Variants in AXDND1 observed in about 807,000 individuals in gnomAD.
The protein encoded by AXDND1 is axonemal dynein light chain domain-containing protein 1.
In AXDND1, 110 loss-of-function variants were observed where a neutral mutation model predicts 137.5. That is an observed-to-expected ratio of 0.80 (90% confidence interval 0.69 to 0.94). The LOEUF is 0.94. Among genes scored for constraint, AXDND1 ranks in the 40% least tolerant of loss-of-function variants. AXDND1 has a pLI of 0.00. For missense variants in AXDND1, 1,191 were observed against 1,169.8 expected (o/e 1.02, Z -0.26); for synonymous variants, 414 against 399.7 (o/e 1.04, Z -0.43).
intron 4 of AXDND1, among the ~76,000 whole-genome samples, chr1:179,376,820 A>G (rs541999446): frequency 6.6e-6 from 1 of 152,304 alleles, no homozygotes; most frequent in African/African-American, 2.4e-5. Context: ...TTCATCTAGC[A>G]TATTTTCTGT....
chr1:179,526,693 AC>A, intron 22 of AXDND1, among the ~76,000 whole-genome samples: 1 of 152,318 alleles, frequency 6.6e-6, no homozygotes, highest in Admixed American at 6.5e-5. Flanking sequence ...ATTATATAAC[AC>A]CCAAGCCTAT....
At chr1:179,447,905 T>A (rs752052416) in intron 16 of AXDND1, 1 of 1,365,870 alleles carries the variant, frequency 7.3e-7, no homozygotes, top group Non-Finnish European at 1.0e-6. Flanking sequence ...CTATGTAATA[T>A]GGTTTGAGGT....
chr1:179,446,622 A>G (rs1659767703), intron 16 of AXDND1, among the ~76,000 whole-genome samples: 1 of 152,198 alleles, frequency 6.6e-6, no homozygotes, highest in East Asian at 1.9e-4. Flanking sequence ...GGAGTCCATT[A>G]GTAGCTAGGT....
rs1338672834 is a variant in AXDND1, at chr1:179,379,477, T to G, written c.576T>G (p.Tyr192Ter). 6.2e-7 allele frequency: 1 copy of G among 1,613,178 alleles called. No individual in the cohort carries two copies. The highest frequency in any genetic ancestry group is 2.2e-5 in the East Asian group (1 of 44,832). ...SSTGVSGLEC[Y>*]DDKYTTLLTD... is the part of the protein sequence containing the mutation. ...CAGGAGTTTCAGGTTTGGAGTGTTA[T>G]GATGAGTGAGTACTATGATATGTAA... Residue 192 changes from tyrosine to a stop codon, truncating the protein, a stop_gained, in exon 6 of 26, where the codon TAT becomes TAG. Transcript: ENST00000367618. LOFTEE classifies it high-confidence loss of function.
chr1:179,502,286 C>T (rs1572100237), intron 20 of AXDND1, among the ~76,000 whole-genome samples: 2 of 152,186 alleles, frequency 1.3e-5, no homozygotes, highest in African/African-American at 2.4e-5. Flanking sequence ...AAGTCTAGGC[C>T]GAGTGTGGTG....
At position 179,378,593 on chromosome 1, in the gene AXDND1, A is replaced by G. The variant is rs771228361; in HGVS notation, c.375-44A>G. ...TCTCACCTGCTGTTATGTGGTATCCAGATAGAAAATTTGTTTTGTAAATAT... is the reference window on the plus strand; with the variant it reads ...TCTCACCTGCTGTTATGTGGTATCCGGATAGAAAATTTGTTTTGTAAATAT... On this transcript the variant is annotated intron_variant, in intron 4 of 25. Transcript: ENST00000367618. 5.5e-6 allele frequency: 8 copies of G among 1,462,764 alleles called. No individual in the cohort carries two copies. The African/African-American group carries it at 9.8e-5, about 18-fold the overall frequency. The allele number at this position is 1,462,764 out of a possible 1,614,324, so 90.6% of individuals were successfully genotyped here.
chr1:179,425,348 T>G (rs527826360), intron 12 of AXDND1, among the ~76,000 whole-genome samples: 123 of 152,326 alleles, frequency 8.1e-4, no homozygotes, highest in Admixed American at 1.9e-3. Flanking sequence ...TAGGGGCTAG[T>G]GCCCAGGGAA....
intron 25 of AXDND1, among the ~76,000 whole-genome samples, chr1:179,547,979 G>C (rs1238430215): frequency 6.6e-6 from 1 of 152,086 alleles, no homozygotes; most frequent in Non-Finnish European, 1.5e-5. Flanking sequence ...AAACTTTTCT[G>C]TCCTGTTTTT....
rs534145349 is a variant in AXDND1, at chr1:179,423,726, A to T, written c.1231-5792A>T. ...GAAGCAAATAAAAAATGAAAAAAAT[A>T]CGCTTTAACTCTATTCTCCTCAACA... On this transcript the variant is annotated intron_variant, in intron 12 of 25. Coordinates refer to ENST00000367618, the MANE Select transcript of AXDND1 (RefSeq NM_144696.6). Among the ~76,000 whole-genome samples, 9 of 152,300 alleles carry T rather than the reference A, an allele frequency of 5.9e-5. No individual in the cohort carries two copies. In the South Asian group the frequency reaches 1.7e-3, roughly 28 times the overall value.
intron 17 of AXDND1, among the ~76,000 whole-genome samples, chr1:179,481,497 C>T (rs1665377612): frequency 1.3e-5 from 2 of 152,304 alleles, no homozygotes; most frequent in South Asian, 2.1e-4. Context: ...TGGGTATATA[C>T]CCAGTAATGG....
intron 21 of AXDND1, among the ~76,000 whole-genome samples, chr1:179,512,045 C>T (rs1375850995): frequency 1.3e-5 from 2 of 152,164 alleles, no homozygotes; most frequent in East Asian, 3.8e-4. Context: ...GTTCCTTTTG[C>T]TGTGCAAAAG....
At chr1:179,537,264 GA>G (rs1392595915) in intron 25 of AXDND1, among the ~76,000 whole-genome samples, 5 of 152,208 alleles carry the variant, frequency 3.3e-5, no homozygotes, top group African/African-American at 1.2e-4. Flanking sequence ...GGAGTGGTGA[GA>G]AAGGGCATCC....
intron 12 of AXDND1, among the ~76,000 whole-genome samples, chr1:179,412,439 A>G (rs77972521): frequency 0.02 from 3,030 of 152,298 alleles, 108 homozygotes; most frequent in African/African-American, 0.069. Context: ...ATGCATTAAT[A>G]CATCTGCATT....
intron 20 of AXDND1, among the ~76,000 whole-genome samples, chr1:179,495,289 T>C (rs1667330273): frequency 6.6e-6 from 1 of 152,152 alleles, no homozygotes; most frequent in African/African-American, 2.4e-5. Context: ...GGAGAATTGA[T>C]ATCTTAACAA....
intron 12 of AXDND1, among the ~76,000 whole-genome samples, chr1:179,417,095 G>A (rs1654821790): frequency 6.6e-6 from 1 of 151,798 alleles, no homozygotes; most frequent in South Asian, 2.1e-4. Context: ...TACTGATGTT[G>A]AGCATTTTTT....
At chr1:179,468,382 G>T in intron 16 of AXDND1, 61 bp from the exon 17 acceptor site, 1 of 1,138,486 alleles carries the variant, frequency 8.8e-7, no homozygotes, top group Non-Finnish European at 1.3e-6. Context: ...TTTATAATTT[G>T]GTATTAAAAT....
chr1:179,504,359 T>C (rs1490927048), intron 20 of AXDND1, among the ~76,000 whole-genome samples: 1 of 152,154 alleles, frequency 6.6e-6, no homozygotes, highest in Non-Finnish European at 1.5e-5. Flanking sequence ...ATCCTGATTT[T>C]GGCAGGCTGG....
At chr1:179,502,734 C>T (rs10218630) in intron 20 of AXDND1, among the ~76,000 whole-genome samples, 1,818 of 152,012 alleles carry the variant, frequency 0.012, 44 homozygotes, top group African/African-American at 0.042. Context: ...TTGCAACAAA[C>T]AATTCTATTC....
At chr1:179,419,855 T>G (rs953750475) in intron 12 of AXDND1, among the ~76,000 whole-genome samples, 9 of 152,166 alleles carry the variant, frequency 5.9e-5, no homozygotes, top group African/African-American at 2.2e-4. Context: ...TTTGGTGGAG[T>G]CTTTAGGTTT....
Sources: gnomAD v4.1 joint callset for allele counts (sites outside exome capture counted in the v4.1 genomes callset) on GRCh38, gnomAD v4.1.1 for gene constraint, MANE v1.5 for transcripts, NCBI Gene and HGNC (gene_info 2026-07-23, HGNC 2026-07-21) for gene names.